SGCG: variants seen among roughly 807,000 people sequenced by gnomAD.
SGCG encodes sarcoglycan gamma.
Under a neutral mutation model 29.3 loss-of-function variants are expected in SGCG, and 26 were observed. That is an observed-to-expected ratio of 0.89 (90% CI 0.65 to 1.23). The LOEUF (loss-of-function observed/expected upper bound fraction) is 1.23, where lower values mean the gene tolerates loss of function less well. Ranked by LOEUF, SGCG falls within the 50% of genes most tolerant of loss-of-function variation. The pLI, the probability that SGCG is intolerant of heterozygous loss-of-function variation, is 0.00. For synonymous variants in SGCG, 145 were observed against 129.7 expected (o/e 1.12, Z -0.80); for missense variants, 353 against 356.0 (o/e 0.99, Z 0.07).
intron 4 of SGCG, among the ~76,000 whole-genome samples, chr13:23,275,123 A>ATATATATATATATATATATATG (rs1566026507): frequency 6.9e-6 from 1 of 145,458 alleles, no homozygotes; most frequent in East Asian, 2.0e-4. Flanking sequence ...TGGATGGAAT[A>ATATATATATATATATATATATG]TATATATATA....
chr13:23,225,941 T>C (rs9507056), intron 2 of SGCG, among the ~76,000 whole-genome samples: 78,041 of 152,020 alleles, frequency 0.51, 21,091 homozygotes, highest in East Asian at 0.86. Context: ...GTTTGTACCT[T>C]CCTTCCCCTA....
rs776392351 is a variant in SGCG at position 23,279,310 on chromosome 13, G to A, written c.386-49G>A. On this transcript the variant is annotated intron_variant, in intron 4 of 7. Coordinates refer to ENST00000218867, the MANE Select transcript of SGCG (RefSeq NM_000231.3). Reference sequence around the variant, plus strand: ...TGGCATGTGTAAAAATAGAGATTTGGACACTGCTTGTAGTGAACAGTTTAT... The same window carrying A: ...TGGCATGTGTAAAAATAGAGATTTGAACACTGCTTGTAGTGAACAGTTTAT... The A allele has an allele frequency of 2.5e-6, 4 of 1,584,264 alleles. No individual in the cohort carries two copies. The East Asian group carries it at 6.8e-5, about 27-fold the overall frequency.
intron 2 of SGCG, among the ~76,000 whole-genome samples, chr13:23,225,038 C>T (rs1878843839): frequency 6.6e-6 from 1 of 152,144 alleles, no homozygotes; most frequent in South Asian, 2.1e-4. Context: ...ACCCCAGATC[C>T]ACTGAATCAG....
At position 23,222,522 on chromosome 13, in the gene SGCG, C is replaced by A. The variant is rs1878711119; in HGVS notation, c.196-12089C>A. ...TTACAAAAATGTTCTTTCCCCCCTTCTGATTAAGAAGAGCATTTCTTGGCC... is the reference window on the plus strand; with the variant it reads ...TTACAAAAATGTTCTTTCCCCCCTTATGATTAAGAAGAGCATTTCTTGGCC... On this transcript the variant is annotated intron_variant, in intron 2 of 7. Transcript: ENST00000218867. Among the ~76,000 whole-genome samples, 6 of 151,438 alleles carry A rather than the reference C, an allele frequency of 4.0e-5. No individual in the cohort carries two copies. The South Asian group carries it at 1.3e-3, about 32-fold the overall frequency.
intron 5 of SGCG, among the ~76,000 whole-genome samples, chr13:23,281,718 C>T (rs1056801303): frequency 6.6e-6 from 1 of 152,322 alleles, no homozygotes; most frequent in East Asian, 1.9e-4. Context: ...AGCACGCAAC[C>T]TAGATCCCTT....
chr13:23,274,584 G>A (rs942509704), intron 4 of SGCG, among the ~76,000 whole-genome samples: 2 of 151,458 alleles, frequency 1.3e-5, no homozygotes, highest in Admixed American at 6.6e-5. Context: ...CACCATGCTC[G>A]GCTAATTTTT....
chr13:23,250,737 G>T lies in SGCG; in HGVS notation c.385+20G>T, dbSNP rs774091898. Reference sequence around the variant, plus strand: ...AAGTCGGTGAGTCCAGCTTCATCATGGTGCTTTGCATGCATGTTGTCCATG... The same window carrying T: ...AAGTCGGTGAGTCCAGCTTCATCATTGTGCTTTGCATGCATGTTGTCCATG... On this transcript the variant is annotated intron_variant, in intron 4 of 7. Transcript: ENST00000218867. 2.8e-6 allele frequency: 4 copies of T among 1,449,168 alleles called. No individual in the cohort carries two copies. The South Asian group carries it at 4.6e-5, about 17-fold the overall frequency. 89.8% of individuals were successfully genotyped at this position (1,449,168 alleles called of 1,614,324 possible). A position where few individuals can be genotyped will look rare whatever the true frequency, so the allele number is the denominator to read the frequency against.
At chr13:23,188,389 G>C (rs954590316) in intron 1 of SGCG, among the ~76,000 whole-genome samples, 6 of 133,362 alleles carry the variant, frequency 4.5e-5, no homozygotes, top group Non-Finnish European at 7.7e-5. Flanking sequence ...GCAATGGAGC[G>C]ATCTCGGCTC....
At chr13:23,277,392 C>A in intron 4 of SGCG, among the ~76,000 whole-genome samples, 1 of 146,684 alleles carries the variant, frequency 6.8e-6, no homozygotes, top group African/African-American at 2.5e-5. Context: ...TTACAAATAC[C>A]AAAAAATAAA....
At position 23,309,525 on chromosome 13, in the gene SGCG, T is replaced by C. The variant is rs77561803; in HGVS notation, c.579-11112T>C. ...TCTTACTTCTCAGATCCCTGTATTGTTACTTTGGCTGGGACAAATGTTGGC... is the reference window on the plus strand; with the variant it reads ...TCTTACTTCTCAGATCCCTGTATTGCTACTTTGGCTGGGACAAATGTTGGC... On this transcript the variant is annotated intron_variant, in intron 6 of 7. Transcript: ENST00000218867. 6.1e-3 allele frequency among the ~76,000 whole-genome samples: 932 copies of C among 152,358 alleles called. 11 individuals are homozygous for C. Among genetic ancestry groups the C allele is most frequent in the African/African-American group, 0.022 (913 of 41,590 alleles).
At chr13:23,183,810 G>A (rs1359328932) in intron 1 of SGCG, among the ~76,000 whole-genome samples, 3 of 152,282 alleles carry the variant, frequency 2.0e-5, no homozygotes, top group Admixed American at 1.3e-4. Context: ...TGGGATTACA[G>A]GCATATGCCA....
intron 4 of SGCG, among the ~76,000 whole-genome samples, chr13:23,251,208 G>T (rs1879953986): frequency 6.6e-6 from 1 of 152,010 alleles, no homozygotes; most frequent in South Asian, 2.1e-4. Flanking sequence ...GAACCTATAG[G>T]GCCTCCCTGA....
the SGCG span, among the ~76,000 whole-genome samples, chr13:23,164,228 A>G: frequency 6.6e-6 from 1 of 152,220 alleles, no homozygotes; most frequent in East Asian, 1.9e-4. Flanking sequence ...TGCCAAAAAT[A>G]TGCAATAGAT....
intron 2 of SGCG, among the ~76,000 whole-genome samples, chr13:23,233,163 C>T (rs1879174987): frequency 6.6e-6 from 1 of 152,008 alleles, no homozygotes; most frequent in Non-Finnish European, 1.5e-5. Flanking sequence ...GGAAGCAACC[C>T]AAGTATCAAT....
chr13:23,270,036 G>A (rs1200859965), intron 4 of SGCG, among the ~76,000 whole-genome samples: 1 of 151,794 alleles, frequency 6.6e-6, no homozygotes, highest in Non-Finnish European at 1.5e-5. Flanking sequence ...CACCATGCCG[G>A]GCTAATTTTA....
chr13:23,178,542 G>A (rs1353705848), upstream of SGCG, among the ~76,000 whole-genome samples: 2 of 152,158 alleles, frequency 1.3e-5, no homozygotes, highest in African/African-American at 4.8e-5. Flanking sequence ...ATAACGTCAT[G>A]AGAACTATTA....
Position 23,250,693 on chromosome 13 carries a change from G to A in SGCG, c.361G>A (p.Glu121Lys). Residue 121 changes from glutamate (E) to lysine (K), a missense_variant, in exon 4 of 8, where the codon GAG (glutamate) becomes AAG (lysine). Physicochemically the swap from Glu to Lys is moderately conservative, Grantham distance 56. Transcript: ENST00000218867. The stretch of plus-strand genomic sequence containing the variant: ...TGTAAATGCGCGCAACTCAGAAGGG[G>A]AGGTCACAGGCAGGTTAAAAGTCGG... Reference protein sequence around the residue: ...VTVNARNSEGEVTGRLKVGPK... With the variant: ...VTVNARNSEGKVTGRLKVGPK... 6.2e-7 allele frequency: 1 copy of A among 1,611,844 alleles called. No individual in the cohort carries two copies. Among genetic ancestry groups the A allele is most frequent in the Non-Finnish European group, 8.5e-7 (1 of 1,178,014 alleles).
chr13:23,204,753 T>C (rs1372575279), intron 2 of SGCG, among the ~76,000 whole-genome samples: 2 of 147,490 alleles, frequency 1.4e-5, no homozygotes, highest in East Asian at 4.0e-4. Context: ...TTGCCCAGGC[T>C]GGAGTGCAGT....
intron 5 of SGCG, 73 bp from the exon 6 acceptor site, chr13:23,295,342 A>C: frequency 8.5e-7 from 1 of 1,170,156 alleles, no homozygotes; most frequent in Non-Finnish European, 1.3e-6. Context: ...TTTAATATCT[A>C]GGCTAAATGT....
Sources: allele counts gnomAD v4.1 joint callset (sites outside exome capture counted in the v4.1 genomes callset), GRCh38; gene constraint gnomAD v4.1.1; transcripts MANE v1.5; gene names NCBI Gene and HGNC (gene_info 2026-07-23, HGNC 2026-07-21).